The following ZMYM4 variants were observed in gnomAD, a reference collection of about 807,000 sequenced individuals.
The protein encoded by ZMYM4 is zinc finger MYM-type protein 4.
Under a neutral mutation model 183.2 loss-of-function variants are expected in ZMYM4, and 31 were observed. That is an observed-to-expected ratio of 0.17 (90% CI 0.13 to 0.23). The LOEUF is 0.23. Ranked by LOEUF, ZMYM4 falls within the 10% of genes least tolerant of loss-of-function variation. ZMYM4 has a pLI of 1.00. For synonymous variants in ZMYM4, 592 were observed against 631.2 expected (o/e 0.94, Z 0.93); for missense variants, 1,273 against 1,840.3 (o/e 0.69, Z 5.64).
chr1:35,364,965 C>T (rs1477671729), intron 5 of ZMYM4, among the ~76,000 whole-genome samples: 1 of 151,090 alleles, frequency 6.6e-6, no homozygotes, highest in Non-Finnish European at 1.5e-5. Flanking sequence ...GTCCGTCCTC[C>T]TGCCTCTATT....
intron 1 of ZMYM4, among the ~76,000 whole-genome samples, chr1:35,321,190 A>G (rs1013803551): frequency 6.6e-6 from 1 of 152,180 alleles, no homozygotes; most frequent in Admixed American, 6.5e-5. Flanking sequence ...TAAAGTTATT[A>G]TAGTTGTTAC....
intron 10 of ZMYM4, 151 bp from the exon 11 acceptor site, chr1:35,385,923 T>C: frequency 1.8e-6 from 1 of 546,006 alleles, no homozygotes; most frequent in Admixed American, 4.0e-5. Context: ...ATTATGTTAG[T>C]TTTTGTCTAT....
At chr1:35,363,837 C>T (rs781459518) in intron 5 of ZMYM4, among the ~76,000 whole-genome samples, 1 of 152,188 alleles carries the variant, frequency 6.6e-6, no homozygotes, top group Non-Finnish European at 1.5e-5. Flanking sequence ...CAGAAGACTA[C>T]AGCCATGTCT....
intron 26 of ZMYM4, among the ~76,000 whole-genome samples, chr1:35,408,495 T>A (rs1367810808): frequency 6.6e-6 from 1 of 152,120 alleles, no homozygotes; most frequent in East Asian, 1.9e-4. Context: ...CCTAGCACTT[T>A]GGGAGGCTGA....
chr1:35,366,940 C>G (rs1462506628), intron 5 of ZMYM4, among the ~76,000 whole-genome samples: 2 of 151,470 alleles, frequency 1.3e-5, no homozygotes, highest in East Asian at 2.0e-4. Flanking sequence ...AGGAGGATCA[C>G]TCGAGCCTGG....
rs369363622 is a variant in ZMYM4, at chr1:35,385,477, A to G, written c.1605A>G (p.Lys535=). 2.5e-6 allele frequency: 4 copies of G among 1,612,742 alleles called. No individual in the cohort carries two copies. Among genetic ancestry groups the G allele is most frequent in the Non-Finnish European group, 3.4e-6 (4 of 1,179,684 alleles). ...SAKITPCALC[K]SLRSSAEMIE... ...AAATTACACCGTGTGCGCTTTGCAA[A>G]TCATTGAGATCCTCAGCAGAAATGA... The change falls in exon 10 of 30, where the codon AAA becomes AAG. Residue 535 remains lysine (K), a synonymous_variant. Coordinates refer to ENST00000314607, the MANE Select transcript of ZMYM4 (RefSeq NM_005095.3).
intron 29 of ZMYM4, among the ~76,000 whole-genome samples, chr1:35,418,949 T>A (rs2149052118): frequency 6.6e-6 from 1 of 152,368 alleles, no homozygotes; most frequent in Non-Finnish European, 1.5e-5. Flanking sequence ...GTAGTCCTTT[T>A]CTTAGAGGAA....
intron 1 of ZMYM4, among the ~76,000 whole-genome samples, chr1:35,276,494 ATTCTTT>A (rs1199289535): frequency 6.7e-6 from 1 of 150,352 alleles, no homozygotes; most frequent in Non-Finnish European, 1.5e-5. Flanking sequence ...GACTTCTCTT[ATTCTTT>A]AAGTGTCTTT....
intron 1 of ZMYM4, among the ~76,000 whole-genome samples, chr1:35,288,821 T>C (rs1489381421): frequency 6.6e-6 from 1 of 152,196 alleles, no homozygotes; most frequent in Non-Finnish European, 1.5e-5. Context: ...AAAGACCTTA[T>C]TTCATGACCT....
At chr1:35,288,829 C>T (rs1191811068) in intron 1 of ZMYM4, among the ~76,000 whole-genome samples, 1 of 152,102 alleles carries the variant, frequency 6.6e-6, no homozygotes, top group Non-Finnish European at 1.5e-5. Flanking sequence ...TATTTCATGA[C>T]CTATAATTTG....
chr1:35,381,751 A>T lies in ZMYM4; in HGVS notation c.1562A>T (p.Tyr521Phe), dbSNP rs758748962. The T allele has an allele frequency of 1.5e-5, 24 of 1,613,972 alleles. No individual in the cohort carries two copies. The Admixed American group carries it at 3.8e-4, about 26-fold the overall frequency. Residue 521 changes from tyrosine to phenylalanine, a missense_variant, in exon 9 of 30, where the codon TAC (tyrosine) becomes TTC (phenylalanine). Tyr to Phe is a conservative substitution (Grantham distance 22). Around this residue, in one of 6 missense-constraint regions of ZMYM4, gnomAD observed 319 missense variants for 518.1 expected, o/e 0.62. Transcript: ENST00000314607. ...TGTAGTTCATCGTGTATCACGGCAT[A>T]CAAGCAGGTACATGACCATATTTAA... ...KFCSSSCITA[Y>F]KQKSAKITPC...
At chr1:35,352,269 G>GCGCGCGCGCACACACA (rs1366886543) in intron 2 of ZMYM4, among the ~76,000 whole-genome samples, 2 of 124,526 alleles carry the variant, frequency 1.6e-5, no homozygotes, top group African/African-American at 3.3e-5. Context: ...ACGCGCGCGC[G>GCGCGCGCGCACACACA]CACACACACA....
chr1:35,282,344 C>T (rs1640216994), intron 1 of ZMYM4, among the ~76,000 whole-genome samples: 1 of 152,202 alleles, frequency 6.6e-6, no homozygotes. Context: ...TGCTGTGGTG[C>T]AGCACATAGC....
At chr1:35,336,021 G>T (rs1642960947) in intron 2 of ZMYM4, among the ~76,000 whole-genome samples, 2 of 152,156 alleles carry the variant, frequency 1.3e-5, no homozygotes, top group South Asian at 4.1e-4. Context: ...TCACATTGTT[G>T]TGCAACAGAT....
intron 2 of ZMYM4, among the ~76,000 whole-genome samples, chr1:35,357,300 T>C (rs149611011): frequency 6.6e-6 from 1 of 152,296 alleles, no homozygotes; most frequent in African/African-American, 2.4e-5. Flanking sequence ...CAGAGAAGGG[T>C]TGAAGAACCA....
At chr1:35,343,359 G>T (rs11264138) in intron 2 of ZMYM4, among the ~76,000 whole-genome samples, 4,171 of 152,106 alleles carry the variant, frequency 0.027, 230 homozygotes, top group East Asian at 0.25. Flanking sequence ...TCTGTATGTA[G>T]TGTAAAATAA....
chr1:35,299,230 G>C (rs759056947), intron 1 of ZMYM4, among the ~76,000 whole-genome samples: 24 of 151,924 alleles, frequency 1.6e-4, no homozygotes, highest in East Asian at 5.8e-4. Context: ...TTTACTTTCA[G>C]TACTTTAAAG....
intron 1 of ZMYM4, among the ~76,000 whole-genome samples, chr1:35,292,846 G>A (rs1009410113): frequency 6.6e-6 from 1 of 152,034 alleles, no homozygotes; most frequent in Admixed American, 6.6e-5. Flanking sequence ...CCCCAGGGGA[G>A]TTCCCCCATT....
intron 3 of ZMYM4, among the ~76,000 whole-genome samples, chr1:35,360,323 G>C (rs1643908464): frequency 6.6e-6 from 1 of 151,928 alleles, no homozygotes; most frequent in Admixed American, 6.6e-5. Context: ...ACTCATCTTT[G>C]TATTCTTGGG....
Sources: gnomAD v4.1 joint callset for allele counts (sites outside exome capture counted in the v4.1 genomes callset) on GRCh38, gnomAD v4.1.1 for gene constraint, gnomAD v4.1.1 regional missense constraint, MANE v1.5 for transcripts, NCBI Gene and HGNC (gene_info 2026-07-23, HGNC 2026-07-21) for gene names.